MGA: variants seen among roughly 807,000 people sequenced by gnomAD.
MGA encodes MAX dimerization protein MGA, also known as MAX gene-associated protein.
A neutral mutation model predicts 261.1 loss-of-function variants in MGA; 40 were observed. The observed-to-expected ratio is 0.15, with a 90% CI of 0.12 to 0.20. MGA has a LOEUF of 0.20. Among genes scored for constraint, MGA ranks in the 10% least tolerant of loss-of-function variants. The pLI, the probability that MGA is intolerant of heterozygous loss-of-function variation, is 1.00. For synonymous variants in MGA, 1,302 were observed against 1,290.6 expected, an observed-to-expected ratio of 1.01 and a Z score of -0.19; for missense variants, 3,397 against 3,630.5, an observed-to-expected ratio of 0.94 and a Z score of 1.65.
In MGA at chr15:41,754,475, C is replaced by T. The variant is rs1461430401; in HGVS notation, c.7047C>T (p.His2349=). ...AATACATTGAGGATGATGAGGAGCA[C>T]GTGGACATTGAGACTGTAGAAGAGC... is the stretch of plus-strand genomic sequence containing the variant. The change falls in exon 18 of 24, where the codon CAC becomes CAT. Residue 2349 remains histidine (H), a synonymous_variant. Transcript: ENST00000219905. 9 of 1,560,366 alleles carry T rather than the reference C, an allele frequency of 5.8e-6. No homozygotes were observed. Among genetic ancestry groups the T allele is most frequent in the African/African-American group, 2.7e-5 (2 of 73,762 alleles).
At chr15:41,653,665 AC>A (rs1473318950) in intron 1 of MGA, among the ~76,000 whole-genome samples, 8 of 150,416 alleles carry the variant, frequency 5.3e-5, no homozygotes, top group African/African-American at 1.7e-4. Flanking sequence ...CCGTGATCAT[AC>A]CACTGCACTC....
chr15:41,625,017 C>G (rs1262710574), intron 1 of MGA, among the ~76,000 whole-genome samples: 3 of 152,098 alleles, frequency 2.0e-5, no homozygotes, highest in African/African-American at 7.2e-5. Context: ...GTGGCACATC[C>G]CTGTTGTCAC....
chr15:41,759,027 T>C (rs1042212674), intron 19 of MGA, among the ~76,000 whole-genome samples: 1 of 152,040 alleles, frequency 6.6e-6, no homozygotes, highest in Non-Finnish European at 1.5e-5. Flanking sequence ...AAATGACAAA[T>C]TGGGAGGTGA....
rs748062942 is a variant in MGA, at chr15:41,713,201, T to G, written c.3135T>G (p.Pro1045=). The change falls in exon 9 of 24, where the codon CCT becomes CCG. Residue 1045 remains proline, a synonymous_variant. Coordinates refer to ENST00000219905, the MANE Select transcript of MGA (RefSeq NM_001164273.2). Reference sequence around the variant, plus strand: ...ACACAATCATAAGGAAACGAGCCCCTCCCTGCAACAATGACTTCTGTCGAC... The same window carrying G: ...ACACAATCATAAGGAAACGAGCCCCGCCCTGCAACAATGACTTCTGTCGAC... 1.2e-6 allele frequency: 2 copies of G among 1,613,958 alleles called. No individual in the cohort carries two copies. The highest frequency in any genetic ancestry group is 1.7e-6 in the Non-Finnish European group (2 of 1,179,890).
intron 2 of MGA, among the ~76,000 whole-genome samples, chr15:41,694,510 C>T (rs1326279069): frequency 6.8e-6 from 1 of 147,960 alleles, no homozygotes; most frequent in Non-Finnish European, 1.5e-5. Context: ...AGGCATCCTG[C>T]TCTGTTGCCC....
chr15:41,701,301 G>T (rs890972832), intron 5 of MGA, among the ~76,000 whole-genome samples: 1 of 150,828 alleles, frequency 6.6e-6, no homozygotes, highest in Non-Finnish European at 1.5e-5. Context: ...TTTATATTGT[G>T]TTCTTTTAAC....
At chr15:41,636,369 T>G (rs898099551) in intron 1 of MGA, among the ~76,000 whole-genome samples, 9 of 151,974 alleles carry the variant, frequency 5.9e-5, no homozygotes, top group African/African-American at 2.2e-4. Context: ...CTCGACTCAC[T>G]GCAACCCCCG....
chr15:41,648,033 C>G (rs1185991812), intron 1 of MGA, among the ~76,000 whole-genome samples: 1 of 152,202 alleles, frequency 6.6e-6, no homozygotes, highest in African/African-American at 2.4e-5. Context: ...ATCATTGCCT[C>G]TAACCCATTT....
rs1397525970 is a variant in MGA at position 41,767,712 on chromosome 15, C to T, written c.*432C>T. ...TCCAAAATCTAAGGAATGCGATGGA[C>T]TTGTGCAAAGGGATCCAGAAGAGAC... On this transcript the variant is annotated 3_prime_UTR_variant, in exon 24 of 24. Coordinates refer to ENST00000219905, the MANE Select transcript of MGA (RefSeq NM_001164273.2). 2.9e-5 allele frequency: 5 copies of T among 174,714 alleles called. No individual in the cohort carries two copies. Among genetic ancestry groups the T allele is most frequent in the Admixed American group, 1.1e-4 (2 of 18,426 alleles). The allele number at this position is 174,714 out of a possible 1,614,324, so 10.8% of individuals were successfully genotyped here. A position where few individuals can be genotyped will look rare whatever the true frequency, so the allele number is the denominator to read the frequency against.
At chr15:41,729,071 G>A (rs2061383842) in intron 10 of MGA, 93 bp from the exon 11 acceptor site, 2 of 1,313,102 alleles carry the variant, frequency 1.5e-6, no homozygotes, top group South Asian at 2.7e-5. Flanking sequence ...TTCGACTGTT[G>A]TAATACAAAA....
chr15:41,679,986 T>G (rs1038937741), intron 2 of MGA, among the ~76,000 whole-genome samples: 2 of 152,206 alleles, frequency 1.3e-5, no homozygotes, highest in African/African-American at 4.8e-5. Context: ...TTTGTATTAT[T>G]TATTGACCGT....
intron 5 of MGA, among the ~76,000 whole-genome samples, chr15:41,701,947 A>C (rs1406876018): frequency 6.6e-6 from 1 of 152,100 alleles, no homozygotes; most frequent in African/African-American, 2.4e-5. Context: ...TCAATGTGTG[A>C]AGTGGAGTCC....
At chr15:41,644,541 C>T (rs1403223314) in intron 1 of MGA, among the ~76,000 whole-genome samples, 1 of 151,774 alleles carries the variant, frequency 6.6e-6, no homozygotes, top group Admixed American at 6.6e-5. Flanking sequence ...ACCTGTAATC[C>T]CAGCTACTTG....
At chr15:41,761,973 C>A (rs879803385) in intron 21 of MGA, 123 bp downstream of exon 21, 46 of 991,716 alleles carry the variant, frequency 4.6e-5, no homozygotes, top group Non-Finnish European at 6.5e-5. Context: ...GCACAGTTAT[C>A]CTTTGACTGG....
intron 1 of MGA, among the ~76,000 whole-genome samples, chr15:41,649,794 C>T (rs2057004995): frequency 6.6e-6 from 1 of 152,178 alleles, no homozygotes; most frequent in Admixed American, 6.5e-5. Flanking sequence ...ATTCTCCTGC[C>T]TCAGCCTCCT....
At chr15:41,692,404 C>T (rs1046690819) in intron 2 of MGA, among the ~76,000 whole-genome samples, 5 of 152,120 alleles carry the variant, frequency 3.3e-5, no homozygotes, top group African/African-American at 7.2e-5. Flanking sequence ...TGCCCATGCT[C>T]GGGCATTAAA....
At chr15:41,716,998 C>G (rs2060675832) in intron 9 of MGA, among the ~76,000 whole-genome samples, 1 of 152,090 alleles carries the variant, frequency 6.6e-6, no homozygotes, top group African/African-American at 2.4e-5. Flanking sequence ...TATGAAGGTT[C>G]TATCATTTAA....
At chr15:41,707,696 C>A in intron 5 of MGA, 32 bp from the exon 6 acceptor site, 3 of 1,564,408 alleles carry the variant, frequency 1.9e-6, no homozygotes, top group Non-Finnish European at 1.7e-6. Flanking sequence ...TCTGATTAAT[C>A]TATGGAAATA....
At chr15:41,736,057 A>G (rs1163022243) in intron 12 of MGA, 124 bp from the exon 13 acceptor site, 1 of 887,322 alleles carries the variant, frequency 1.1e-6, no homozygotes. Context: ...AAGTTGATAC[A>G]TTTTAAGTTA....
Sources: allele counts gnomAD v4.1 joint callset (sites outside exome capture counted in the v4.1 genomes callset), GRCh38; gene constraint gnomAD v4.1.1; transcripts MANE v1.5; gene names NCBI Gene and HGNC (gene_info 2026-07-23, HGNC 2026-07-21).